RP1: variants seen among roughly 807,000 people sequenced by gnomAD.
The protein encoded by RP1 is oxygen-regulated protein 1.
Under a neutral mutation model 14.8 loss-of-function variants are expected in RP1, and 16 were observed. That is an observed-to-expected ratio of 1.08 (90% confidence interval 0.73 to 1.65). The LOEUF is 1.65. Among genes scored for constraint, RP1 ranks in the 40% most tolerant of loss-of-function variants. The pLI, the probability that RP1 is intolerant of heterozygous loss-of-function variation, is 0.00. For synonymous variants in RP1, 876 were observed against 883.6 expected, an observed-to-expected ratio of 0.99 and a Z score of 0.15; for missense variants, 2,631 against 2,535.0, an observed-to-expected ratio of 1.04 and a Z score of -0.81.
Position 54,628,787 on chromosome 8 carries a change from G to C in RP1, c.4905G>C (p.Leu1635=). The change falls in exon 4 of 4, where the codon CTG becomes CTC. Residue 1635 remains leucine (L), a synonymous_variant. Transcript: ENST00000220676. ...TTGTTAAAAGGGCAATAGAAAAACT[G>C]TACGGTAAAGCAGATATTATCAAAC... The part of the protein sequence containing the change: ...IGFVKRAIEK[L]YGKADIIKPS... 6.2e-7 allele frequency: 1 copy of C among 1,614,098 alleles called. No individual in the cohort carries two copies. The highest frequency in any genetic ancestry group is 8.5e-7 in the Non-Finnish European group (1 of 1,179,982).
intron 22 of RP1, among the ~76,000 whole-genome samples, chr8:54,769,288 T>A (rs1171441184): frequency 6.6e-6 from 1 of 152,168 alleles, no homozygotes; most frequent in Non-Finnish European, 1.5e-5. Flanking sequence ...AATATTAAAA[T>A]AGGAAGTCTA....
intron 27 of RP1, among the ~76,000 whole-genome samples, chr8:54,859,267 T>A (rs1039148281): frequency 4.6e-5 from 7 of 150,808 alleles, no homozygotes; most frequent in Non-Finnish European, 1.0e-4. Flanking sequence ...TACAGAGTGA[T>A]ATCACTATAG....
At chr8:54,684,862 C>G (rs1439597114) in intron 12 of RP1, among the ~76,000 whole-genome samples, 1 of 152,076 alleles carries the variant, frequency 6.6e-6, no homozygotes, top group Non-Finnish European at 1.5e-5. Flanking sequence ...AGCTGGAAGC[C>G]AATATTCTCA....
intron 24 of RP1, among the ~76,000 whole-genome samples, chr8:54,827,664 C>G (rs1245901076): frequency 1.3e-5 from 2 of 151,954 alleles, no homozygotes; most frequent in African/African-American, 4.8e-5. Flanking sequence ...TAAGAGAGGC[C>G]GAGACGGCAG....
chr8:54,774,079 C>T (rs997222690), downstream of RP1, among the ~76,000 whole-genome samples: 1 of 152,166 alleles, frequency 6.6e-6, no homozygotes, highest in Non-Finnish European at 1.5e-5. Flanking sequence ...TATTCTATCA[C>T]ATCATCATGC....
At chr8:54,849,741 T>A (rs1369884505) in intron 25 of RP1, among the ~76,000 whole-genome samples, 3 of 152,246 alleles carry the variant, frequency 2.0e-5, no homozygotes. Context: ...TCTGCACATT[T>A]ATAAGCCCAA....
intron 17 of RP1, among the ~76,000 whole-genome samples, chr8:54,730,102 A>G (rs1808757111): frequency 6.6e-6 from 1 of 152,088 alleles, no homozygotes; most frequent in African/African-American, 2.4e-5. Flanking sequence ...GGTTCACAGG[A>G]AGAGTGCAGA....
rs879399888 is a variant in RP1 at position 54,627,570 on chromosome 8, C to G, written c.3688C>G (p.Gln1230Glu). 6.2e-7 allele frequency: 1 copy of G among 1,614,174 alleles called. No individual in the cohort carries two copies. Among genetic ancestry groups the G allele is most frequent in the Admixed American group, 1.7e-5 (1 of 60,026 alleles). Residue 1230 changes from glutamine to glutamate, a missense_variant, in exon 4 of 4, where the codon CAA becomes GAA. By Grantham distance (29) the Gln-to-Glu change is conservative. Transcript: ENST00000220676. ...VPKCSENERTQGISSLDGGCS... is the reference protein window; with the variant it reads ...VPKCSENERTEGISSLDGGCS... The stretch of plus-strand genomic sequence containing the variant: ...TAAGTGCAGTGAAAATGAAAGAACA[C>G]AAGGAATCTCCTCTTTGGATGGAGG...
chr8:54,778,419 G>A (rs1412234679), intron 23 of RP1, among the ~76,000 whole-genome samples: 1 of 151,496 alleles, frequency 6.6e-6, no homozygotes, highest in African/African-American at 2.4e-5. Flanking sequence ...CCACCTCCCG[G>A]GTTCAAGCAA....
chr8:54,615,269 C>T (rs1805688172), upstream of RP1, among the ~76,000 whole-genome samples: 1 of 152,176 alleles, frequency 6.6e-6, no homozygotes, highest in African/African-American at 2.4e-5. Flanking sequence ...AGTTTCATGA[C>T]CTTTTTCCTT....
intron 1 of RP1, among the ~76,000 whole-genome samples, chr8:54,598,024 C>T (rs1463997943): frequency 1.3e-5 from 2 of 152,098 alleles, no homozygotes; most frequent in African/African-American, 4.8e-5. Flanking sequence ...CCTCCCCGCA[C>T]TATCGTTAAC....
chr8:54,645,943 A>C (rs1410585706), intron 3 of RP1, among the ~76,000 whole-genome samples: 1 of 152,094 alleles, frequency 6.6e-6, no homozygotes, highest in Non-Finnish European at 1.5e-5. Flanking sequence ...TTAAATGACT[A>C]AATTGTTTAT....
chr8:54,717,048 T>TG (rs1808420801), intron 15 of RP1, among the ~76,000 whole-genome samples: 2 of 152,144 alleles, frequency 1.3e-5, no homozygotes, highest in African/African-American at 4.8e-5. Context: ...TCTCTTCTTG[T>TG]GGGGTGGCAG....
At chr8:54,730,333 T>C (rs1231448518) in intron 17 of RP1, among the ~76,000 whole-genome samples, 3 of 152,120 alleles carry the variant, frequency 2.0e-5, no homozygotes, top group Non-Finnish European at 4.4e-5. Flanking sequence ...TATTTCTCTT[T>C]AGTATATTCT....
At chr8:54,585,747 T>C (rs1464120940) in intron 1 of RP1, among the ~76,000 whole-genome samples, 2 of 152,334 alleles carry the variant, frequency 1.3e-5, no homozygotes, top group African/African-American at 4.8e-5. Flanking sequence ...TTCATTCATT[T>C]AATCTTCCAT....
Position 54,629,141 on chromosome 8 carries a change from G to A in RP1, c.5259G>A (p.Leu1753=). 1.2e-6 allele frequency: 2 copies of A among 1,614,126 alleles called. No individual in the cohort carries two copies. Among genetic ancestry groups the A allele is most frequent in the Non-Finnish European group, 1.7e-6 (2 of 1,179,962 alleles). ...AATGGCTTCTGAAAGAAAATCATTTGCTAAGGATGTCATCTGAAAATCCTG... is the reference window on the plus strand; with the variant it reads ...AATGGCTTCTGAAAGAAAATCATTTACTAAGGATGTCATCTGAAAATCCTG... ...KGKWLLKENH[L]LRMSSENPGM... Residue 1753 remains leucine, a synonymous_variant, in exon 4 of 4, where the codon TTG becomes TTA. Transcript: ENST00000220676.
At chr8:54,828,575 G>T (rs1466427943) in intron 24 of RP1, among the ~76,000 whole-genome samples, 2 of 152,134 alleles carry the variant, frequency 1.3e-5, no homozygotes, top group Non-Finnish European at 2.9e-5. Context: ...TTCTTGTGTA[G>T]TCTGCAGAAC....
At chr8:54,632,416 ACTT>A (rs1224028769), downstream of RP1, among the ~76,000 whole-genome samples, 4 of 152,200 alleles carry the variant, frequency 2.6e-5, no homozygotes, top group East Asian at 1.9e-4. Context: ...TGTGTAACAT[ACTT>A]CTTCTTTAAA....
chr8:54,638,545 C>T (rs1033489512), intron 3 of RP1, among the ~76,000 whole-genome samples: 5 of 151,604 alleles, frequency 3.3e-5, no homozygotes, highest in Non-Finnish European at 7.4e-5. Context: ...AAAAATTTGT[C>T]TTTTATTTTC....
Sources: gnomAD v4.1 joint callset for allele counts (sites outside exome capture counted in the v4.1 genomes callset) on GRCh38, gnomAD v4.1.1 for gene constraint, MANE v1.5 for transcripts, NCBI Gene and HGNC (gene_info 2026-07-23, HGNC 2026-07-21) for gene names.